Variants in DNAAF5 observed in about 807,000 individuals in gnomAD.
The protein encoded by DNAAF5 is dynein axonemal assembly factor 5, also known as HEAT repeat containing 2.
Under a neutral mutation model 75.8 loss-of-function variants are expected in DNAAF5, and 64 were observed. The ratio of observed to expected loss-of-function variants is 0.84; its 90% CI spans 0.69 to 1.04. The LOEUF (loss-of-function observed/expected upper bound fraction) is 1.04, where lower values mean the gene tolerates loss of function less well. Among genes scored for constraint, DNAAF5 ranks in the 50% least tolerant of loss-of-function variants. DNAAF5 has a pLI of 0.00. For missense variants in DNAAF5, 1,269 were observed against 1,178.5 expected (o/e 1.08, Z -1.12); for synonymous variants, 657 against 557.2 (o/e 1.18, Z -2.52).
At chr7:770,833 G>A (rs779326861) in intron 9 of DNAAF5, 8 of 488,390 alleles carry the variant, frequency 1.6e-5, no homozygotes, top group Non-Finnish European at 2.6e-5. Flanking sequence ...AAGGTGGGCC[G>A]GGGGTCCCCA....
chr7:746,053 C>G (rs1483746866), intron 4 of DNAAF5, among the ~76,000 whole-genome samples: 1 of 152,228 alleles, frequency 6.6e-6, no homozygotes, highest in African/African-American at 2.4e-5. Flanking sequence ...TTGGCATTTT[C>G]TCCTCAAATT....
At chr7:741,028 C>T in intron 3 of DNAAF5, 85 bp downstream of exon 3, 2 of 1,504,788 alleles carry the variant, frequency 1.3e-6, no homozygotes, top group Non-Finnish European at 1.8e-6. Flanking sequence ...CAGTCTCTCA[C>T]AGAAACCTGC....
chr7:769,856 G>C (rs181479524), intron 8 of DNAAF5, among the ~76,000 whole-genome samples: 439 of 152,310 alleles, frequency 2.9e-3, no homozygotes, highest in Non-Finnish European at 3.8e-3. Context: ...GGTCAGGCTG[G>C]TCTCGAACTC....
chr7:777,035 T>C lies in DNAAF5; in HGVS notation c.2239+1873T>C, dbSNP rs186255437. Among the ~76,000 whole-genome samples the C allele has an allele frequency of 1.4e-3, 215 of 152,330 alleles. 2 individuals are homozygous for C. The highest frequency in any genetic ancestry group is 5.1e-3 in the African/African-American group (210 of 41,566). On this transcript the variant is annotated intron_variant, in intron 11 of 12. Coordinates refer to ENST00000297440, the MANE Select transcript of DNAAF5 (RefSeq NM_017802.4). ...TCCTTATGAAACTAATGCCTGATGA[T>C]CCGTCACTGTCTCCCATCGTCCCCA... is the stretch of plus-strand genomic sequence containing the variant.
At chr7:759,369 A>T (rs1045257731) in intron 6 of DNAAF5, among the ~76,000 whole-genome samples, 1 of 152,176 alleles carries the variant, frequency 6.6e-6, no homozygotes, top group African/African-American at 2.4e-5. Context: ...AGCTCGACAG[A>T]CGGGAACTGG....
intron 8 of DNAAF5, among the ~76,000 whole-genome samples, chr7:769,661 G>A (rs1778487154): frequency 6.6e-6 from 1 of 152,262 alleles, no homozygotes; most frequent in Non-Finnish European, 1.5e-5. Context: ...AAAATGGAAG[G>A]TTGTTTTGTT....
chr7:771,313 GCCCC>G (rs1778557449), intron 9 of DNAAF5: 2 of 152,332 alleles, frequency 1.3e-5, no homozygotes, highest in African/African-American at 4.8e-5. Context: ...GGAGGAAGAG[GCCCC>G]GCCCGGGTGC....
In DNAAF5 at chr7:729,298, G is replaced by A. The variant is rs75832330; in HGVS notation, c.596-365G>A. Among the ~76,000 whole-genome samples, 1,481 of 152,216 alleles carry A rather than the reference G, an allele frequency of 9.7e-3. 121 individuals carry two copies. In the East Asian group the frequency reaches 0.21, roughly 21 times the overall value. On this transcript the variant is annotated intron_variant, in intron 1 of 12. Transcript: ENST00000297440. ...GGCCTCGCCTCTGTCTTCTGGGCTC[G>A]GCTTCTTTCCTCTGGCCAGTGTCCC... is the stretch of plus-strand genomic sequence containing the variant.
chr7:738,494 C>G (rs1329667971), intron 2 of DNAAF5, among the ~76,000 whole-genome samples: 8 of 151,916 alleles, frequency 5.3e-5, no homozygotes, highest in Non-Finnish European at 1.2e-4. Context: ...GTCGATCTTG[C>G]TAGGTATTTA....
chr7:781,902 G>A (rs184117103), intron 12 of DNAAF5, among the ~76,000 whole-genome samples: 3 of 152,306 alleles, frequency 2.0e-5, no homozygotes, highest in Admixed American at 6.5e-5. Context: ...CTTGTCAGGC[G>A]GCGGTTCTAA....
intron 2 of DNAAF5, among the ~76,000 whole-genome samples, chr7:739,999 G>T (rs529470158): frequency 6.6e-6 from 1 of 152,124 alleles, no homozygotes; most frequent in Non-Finnish European, 1.5e-5. Context: ...TGCTCCCCAC[G>T]GCCCAGCCAG....
At chr7:728,995 C>CAT (rs1781465589) in intron 1 of DNAAF5, among the ~76,000 whole-genome samples, 1 of 125,606 alleles carries the variant, frequency 8.0e-6, no homozygotes, top group African/African-American at 3.1e-5. Context: ...TTGGTTCTGA[C>CAT]TTTTTTTTTT....
chr7:729,952 C>T, intron 2 of DNAAF5, 105 bp downstream of exon 2: 1 of 1,058,072 alleles, frequency 9.5e-7, no homozygotes, highest in Non-Finnish European at 1.4e-6. Context: ...GTGCTGTATG[C>T]ACCAAATGTC....
At chr7:752,947 CT>C (rs1175923507) in intron 4 of DNAAF5, among the ~76,000 whole-genome samples, 2 of 152,356 alleles carry the variant, frequency 1.3e-5, no homozygotes, top group African/African-American at 4.8e-5. Context: ...GCAAACAAGC[CT>C]GTGAAGAAGA....
intron 6 of DNAAF5, among the ~76,000 whole-genome samples, chr7:757,661 T>TA (rs1433123480): frequency 6.6e-6 from 1 of 152,262 alleles, no homozygotes; most frequent in East Asian, 1.9e-4. Context: ...GAATAATCCA[T>TA]AGTTGTATTC....
chr7:753,341 A>G (rs1318710548), intron 4 of DNAAF5, among the ~76,000 whole-genome samples: 1 of 152,200 alleles, frequency 6.6e-6, no homozygotes, highest in Non-Finnish European at 1.5e-5. Flanking sequence ...AACGATGCAG[A>G]GTGAAAGAAG....
chr7:744,552 A>G (rs1782023255), intron 4 of DNAAF5, among the ~76,000 whole-genome samples: 1 of 151,512 alleles, frequency 6.6e-6, no homozygotes, highest in Non-Finnish European at 1.5e-5. Flanking sequence ...CACATGAAAA[A>G]ATGCTCATGA....
At chr7:779,920 G>A in intron 11 of DNAAF5, 33 bp from the exon 12 acceptor site, 1 of 1,591,094 alleles carries the variant, frequency 6.3e-7, no homozygotes, top group Non-Finnish European at 8.6e-7. Context: ...GTCTGCTCTA[G>A]ACTCACACAC....
intron 9 of DNAAF5, chr7:770,963 C>CACAAGCACTCGGCAGGGA: frequency 5.3e-6 from 1 of 189,152 alleles, no homozygotes. Flanking sequence ...ACTGGGTAAA[C>CACAAGCACTCGGCAGGGA]ACAAGCTCTC....
Sources: gnomAD v4.1 joint callset for allele counts (sites outside exome capture counted in the v4.1 genomes callset) on GRCh38, gnomAD v4.1.1 for gene constraint, MANE v1.5 for transcripts, NCBI Gene and HGNC (gene_info 2026-07-23, HGNC 2026-07-21) for gene names.